Variants in IGFL2 observed in about 807,000 individuals in gnomAD.
The protein encoded by IGFL2 is IGF like family member 2.
Under a neutral mutation model 13.9 loss-of-function variants are expected in IGFL2, and 7 were observed. That is an observed-to-expected ratio of 0.51 (90% CI 0.29 to 0.95). The LOEUF is 0.95. Ranked by LOEUF, IGFL2 falls within the 40% of genes least tolerant of loss-of-function variation. The pLI is 0.08. For synonymous variants in IGFL2, 55 were observed against 55.8 expected (o/e 0.99, Z 0.07); for missense variants, 138 against 147.8 (o/e 0.93, Z 0.34).
At chr19:46,105,917 A>G in the IGFL2 span, among the ~76,000 whole-genome samples, 6 of 152,112 alleles carry the variant, frequency 3.9e-5, no homozygotes, top group Non-Finnish European at 8.8e-5. Context: ...GGTTGGGATG[A>G]GTTAGGGAGA....
chr19:46,132,815 A>G, the IGFL2 span, among the ~76,000 whole-genome samples: 1 of 152,134 alleles, frequency 6.6e-6, no homozygotes. Flanking sequence ...ACCCAAACCA[A>G]CTTAGGCCAG....
At chr19:46,150,855 C>T (rs536965156) in intron 1 of IGFL2, among the ~76,000 whole-genome samples, 6 of 152,216 alleles carry the variant, frequency 3.9e-5, no homozygotes, top group Admixed American at 6.5e-5. Flanking sequence ...TTCATAGAGA[C>T]GATGTCTCAC....
At chr19:46,136,706 A>G in the IGFL2 span, 1 of 500,014 alleles carries the variant, frequency 2.0e-6, no homozygotes, top group Non-Finnish European at 4.0e-6. Flanking sequence ...CACCCCAGAA[A>G]TCATGACATT....
the IGFL2 span, among the ~76,000 whole-genome samples, chr19:46,184,096 T>G: frequency 1.3e-5 from 2 of 152,208 alleles, no homozygotes; most frequent in African/African-American, 4.8e-5. Context: ...AATTCTAATT[T>G]TATTGGACAC....
chr19:46,191,145 A>T, the IGFL2 span, among the ~76,000 whole-genome samples: 1 of 152,196 alleles, frequency 6.6e-6, no homozygotes, highest in Admixed American at 6.5e-5. Context: ...TTAACAAAAA[A>T]GTTATTAAAT....
chr19:46,106,217 T>C, the IGFL2 span, among the ~76,000 whole-genome samples: 57 of 152,234 alleles, frequency 3.7e-4, no homozygotes, highest in African/African-American at 1.3e-3. Context: ...GGAAGAAATT[T>C]GGGCTTTGGA....
At chr19:46,207,286 G>A in the IGFL2 span, 1 of 152,054 alleles carries the variant, frequency 6.6e-6, no homozygotes, top group Non-Finnish European at 1.5e-5. Flanking sequence ...GGAAGTTGGT[G>A]GGTGATACTG....
At chr19:46,198,252 G>C in the IGFL2 span, 1 of 151,740 alleles carries the variant, frequency 6.6e-6, no homozygotes, top group African/African-American at 2.4e-5. Context: ...TGGGACCACA[G>C]GTGTGTGCCA....
At chr19:46,094,590 C>T in the IGFL2 span, among the ~76,000 whole-genome samples, 6 of 151,682 alleles carry the variant, frequency 4.0e-5, no homozygotes, top group South Asian at 2.1e-4. Context: ...CACAGGTAAA[C>T]GTGTGCCATG....
At chr19:46,093,754 A>G in the IGFL2 span, among the ~76,000 whole-genome samples, 2,340 of 152,344 alleles carry the variant, frequency 0.015, 35 homozygotes, top group Middle Eastern at 0.027. Context: ...ACAATAGTCT[A>G]TGGCACAATT....
At chr19:46,130,965 T>A in the IGFL2 span, among the ~76,000 whole-genome samples, 1 of 152,200 alleles carries the variant, frequency 6.6e-6, no homozygotes, top group Non-Finnish European at 1.5e-5. Context: ...GCCCTACATC[T>A]TCTTTCCACT....
chr19:46,176,687 G>T, the IGFL2 span, among the ~76,000 whole-genome samples: 1 of 152,132 alleles, frequency 6.6e-6, no homozygotes, highest in Non-Finnish European at 1.5e-5. Flanking sequence ...CTCCTAGGGG[G>T]AAGTGGGGAT....
At chr19:46,127,186 G>C in the IGFL2 span, among the ~76,000 whole-genome samples, 2 of 152,084 alleles carry the variant, frequency 1.3e-5, no homozygotes, top group Admixed American at 1.3e-4. Context: ...AGGAGTTCAA[G>C]ACCAGCCTGG....
the IGFL2 span, among the ~76,000 whole-genome samples, chr19:46,089,406 C>T: frequency 5.9e-5 from 9 of 151,956 alleles, no homozygotes; most frequent in Non-Finnish European, 7.4e-5. Context: ...ATTTATACAC[C>T]ACTGTTACAG....
At chr19:46,135,633 A>G in the IGFL2 span, among the ~76,000 whole-genome samples, 1 of 152,180 alleles carries the variant, frequency 6.6e-6, no homozygotes, top group Non-Finnish European at 1.5e-5. Context: ...ATGCTGGAGG[A>G]ATAGCAAGTT....
At chr19:46,188,535 G>A in the IGFL2 span, among the ~76,000 whole-genome samples, 2 of 152,186 alleles carry the variant, frequency 1.3e-5, no homozygotes, top group African/African-American at 4.8e-5. Context: ...GTGATCAGAA[G>A]CTCAGTGTGT....
chr19:46,175,458 C>G, the IGFL2 span, among the ~76,000 whole-genome samples: 7 of 152,150 alleles, frequency 4.6e-5, no homozygotes, highest in Admixed American at 4.6e-4. Flanking sequence ...AGGTATACAT[C>G]TCTGGTGCAA....
At chr19:46,147,773 AG>A (rs1973218560), upstream of IGFL2, 1 of 153,032 alleles carries the variant, frequency 6.5e-6, no homozygotes, top group Admixed American at 6.5e-5. Flanking sequence ...TGTGTCTCTG[AG>A]TCCATTCTTT....
chr19:46,125,416 C>T, the IGFL2 span, among the ~76,000 whole-genome samples: 3 of 152,084 alleles, frequency 2.0e-5, no homozygotes, highest in Admixed American at 2.0e-4. Flanking sequence ...CTTAGGTGTG[C>T]AGACAGAGGG....
Sources: gnomAD v4.1 joint callset for allele counts (sites outside exome capture counted in the v4.1 genomes callset) on GRCh38, gnomAD v4.1.1 for gene constraint, MANE v1.5 for transcripts, NCBI Gene and HGNC (gene_info 2026-07-23, HGNC 2026-07-21) for gene names.